ATG7: variants seen among roughly 807,000 people sequenced by gnomAD.
ATG7 encodes autophagy related 7.
A neutral mutation model predicts 82.4 loss-of-function variants in ATG7; 70 were observed. That is an observed-to-expected ratio of 0.85 (90% CI 0.70 to 1.04). ATG7 has a LOEUF of 1.04. ATG7 is among the 50% of genes least tolerant of loss of function. The pLI is 0.00. For missense variants in ATG7, 792 were observed against 864.3 expected, an observed-to-expected ratio of 0.92 and a Z score of 1.05; for synonymous variants, 287 against 313.0, an observed-to-expected ratio of 0.92 and a Z score of 0.88.
chr3:11,420,029 A>G lies in ATG7; in HGVS notation c.1957-6775A>G, dbSNP rs914388334. Among the ~76,000 whole-genome samples, 35 of 152,350 alleles carry G rather than the reference A, an allele frequency of 2.3e-4. 1 individual carries two copies. Among genetic ancestry groups the G allele is most frequent in the Middle Eastern group, 3.4e-3 (1 of 294 alleles). On this transcript the variant is annotated intron_variant, in intron 19 of 20. Coordinates refer to ENST00000693202, the MANE Select transcript of ATG7 (RefSeq NM_001349232.2). ...ATGCAGTTCACTTAAGAATTGTGCT[A>G]TGTTTTACATAGACTGACAGGTTCT...
chr3:11,512,852 C>G (rs1444045302), intron 20 of ATG7, among the ~76,000 whole-genome samples: 1 of 152,056 alleles, frequency 6.6e-6, no homozygotes. Flanking sequence ...GCTGATTGGT[C>G]CATTTTACAG....
chr3:11,465,749 C>T (rs529376882), intron 20 of ATG7, among the ~76,000 whole-genome samples: 1 of 152,018 alleles, frequency 6.6e-6, no homozygotes, highest in South Asian at 2.1e-4. Flanking sequence ...TGGGCGACAG[C>T]GAGACCCTGC....
At chr3:11,570,544 A>G in the ATG7 span, among the ~76,000 whole-genome samples, 1 of 152,158 alleles carries the variant, frequency 6.6e-6, no homozygotes, top group Non-Finnish European at 1.5e-5. Context: ...GTGACCACAT[A>G]CCAGATGTTC....
chr3:11,350,924 A>C (rs1034284645), intron 14 of ATG7, among the ~76,000 whole-genome samples: 1 of 20,696 alleles, frequency 4.8e-5, no homozygotes, highest in East Asian at 1.7e-3. Flanking sequence ...ACCCTAGCCC[A>C]AAAAAAAAAA....
At chr3:11,337,144 C>G (rs1559421164) in intron 11 of ATG7, among the ~76,000 whole-genome samples, 1 of 152,026 alleles carries the variant, frequency 6.6e-6, no homozygotes, top group Non-Finnish European at 1.5e-5. Context: ...GGAGACAGCA[C>G]CTAATTTTTT....
At chr3:11,327,699 C>T (rs1196510046) in intron 9 of ATG7, among the ~76,000 whole-genome samples, 1 of 152,182 alleles carries the variant, frequency 6.6e-6, no homozygotes, top group African/African-American at 2.4e-5. Context: ...GGAGGTGGGA[C>T]CCAGGCAGCA....
intron 20 of ATG7, among the ~76,000 whole-genome samples, chr3:11,522,493 T>C (rs1291200778): frequency 6.6e-6 from 1 of 152,156 alleles, no homozygotes; most frequent in Non-Finnish European, 1.5e-5. Context: ...AGCCTCATAC[T>C]GTGCACAGTT....
At chr3:11,572,944 G>C in the ATG7 span, among the ~76,000 whole-genome samples, 2 of 152,058 alleles carry the variant, frequency 1.3e-5, no homozygotes, top group African/African-American at 4.8e-5. Flanking sequence ...GAGACAGGTG[G>C]ATCACCTGAG....
intron 12 of ATG7, among the ~76,000 whole-genome samples, chr3:11,341,695 G>A (rs998972268): frequency 2.0e-5 from 3 of 152,112 alleles, no homozygotes; most frequent in Non-Finnish European, 4.4e-5. Flanking sequence ...TGATCCGCCC[G>A]CTTTGGCCTC....
Position 11,527,071 on chromosome 3 carries a change from GTATATATA to G in ATG7, c.2080-27725_2080-27718del, listed in dbSNP as rs59492212. On this transcript the variant is annotated intron_variant, in intron 20 of 20. Transcript: ENST00000693202. ...TGTGTGTGTGTGTGTGTGTGTGTGT[GTATATATA>G]TATATATATATATACATACATATAC... Among the ~76,000 whole-genome samples, 712 of 127,408 alleles carry G rather than the reference GTATATATA, an allele frequency of 5.6e-3. 4 individuals carry two copies. Among genetic ancestry groups the G allele is most frequent in the Non-Finnish European group, 7.9e-3 (493 of 62,256 alleles). 83.6% of individuals were successfully genotyped at this position (127,408 alleles called of 152,430 possible). A position where few individuals can be genotyped will look rare whatever the true frequency, so the allele number is the denominator to read the frequency against.
intron 18 of ATG7, among the ~76,000 whole-genome samples, chr3:11,378,319 A>G (rs2077588163): frequency 6.6e-6 from 1 of 151,056 alleles, no homozygotes; most frequent in East Asian, 2.0e-4. Context: ...GCCCTGCCAA[A>G]TTTTTAAAAT....
At chr3:11,423,670 C>T (rs942539779) in intron 19 of ATG7, among the ~76,000 whole-genome samples, 1 of 151,760 alleles carries the variant, frequency 6.6e-6, no homozygotes. Context: ...CATGGCTAAT[C>T]AGCCTGGGCT....
At chr3:11,303,850 G>GCACC (rs1362944024) in intron 5 of ATG7, among the ~76,000 whole-genome samples, 3 of 150,478 alleles carry the variant, frequency 2.0e-5, no homozygotes, top group African/African-American at 7.3e-5. Flanking sequence ...CGAGGCGGGT[G>GCACC]GGTCACGAGG....
At chr3:11,281,463 C>G (rs1943017523) in intron 2 of ATG7, among the ~76,000 whole-genome samples, 1 of 152,118 alleles carries the variant, frequency 6.6e-6, no homozygotes, top group African/African-American at 2.4e-5. Context: ...CTTTAGAACC[C>G]ATCTTTATTC....
At chr3:11,355,714 A>G (rs1009314379) in intron 14 of ATG7, among the ~76,000 whole-genome samples, 3 of 152,222 alleles carry the variant, frequency 2.0e-5, no homozygotes, top group Non-Finnish European at 4.4e-5. Flanking sequence ...TGACAATGCT[A>G]AATGTTGTCA....
At chr3:11,277,729 C>T (rs1032932601) in intron 1 of ATG7, among the ~76,000 whole-genome samples, 24 of 152,144 alleles carry the variant, frequency 1.6e-4, no homozygotes, top group Non-Finnish European at 4.4e-5. Context: ...TCTTAAACAA[C>T]AGAAAACAGG....
chr3:11,350,981 T>G (rs1374315785), intron 14 of ATG7, among the ~76,000 whole-genome samples: 1 of 147,862 alleles, frequency 6.8e-6, no homozygotes, highest in East Asian at 2.0e-4. Context: ...GAGAGTATTA[T>G]GAACTCCCTT....
At chr3:11,359,272 G>A (rs1008375260) in intron 15 of ATG7, among the ~76,000 whole-genome samples, 11 of 152,094 alleles carry the variant, frequency 7.2e-5, no homozygotes, top group African/African-American at 2.7e-4. Flanking sequence ...TTTGAGCTGC[G>A]GGTTGTGAGT....
intron 18 of ATG7, among the ~76,000 whole-genome samples, chr3:11,376,839 C>CGCCATTCT (rs2077452475): frequency 6.6e-6 from 1 of 152,086 alleles, no homozygotes; most frequent in African/African-American, 2.4e-5. Context: ...CCCGGGTTCA[C>CGCCATTCT]GCCATTCTCC....
Sources: gnomAD v4.1 joint callset for allele counts (sites outside exome capture counted in the v4.1 genomes callset) on GRCh38, gnomAD v4.1.1 for gene constraint, MANE v1.5 for transcripts, NCBI Gene and HGNC (gene_info 2026-07-23, HGNC 2026-07-21) for gene names.